MAP4: variants seen among roughly 807,000 people sequenced by gnomAD.
MAP4 encodes microtubule-associated protein 4.
In MAP4, 76 loss-of-function variants were observed where a neutral mutation model predicts 170.2. The observed-to-expected ratio is 0.45, with a 90% confidence interval of 0.37 to 0.54. The LOEUF is 0.54. Ranked by LOEUF, MAP4 falls within the 20% of genes least tolerant of loss-of-function variation. The pLI is 0.00. For missense variants in MAP4, 2,506 were observed against 2,748.0 expected (o/e 0.91, Z 1.97); for synonymous variants, 909 against 994.5 (o/e 0.91, Z 1.62).
chr3:47,889,720 C>A lies in MAP4; in HGVS notation c.5435-12197G>T, dbSNP rs113905179. ...CACCTAGAAGTTATGTGGTACTGAA[C>A]AAAGCACCTGGGGATCAAGAAAAAG... On this transcript the variant is annotated intron_variant, in intron 10 of 20. Coordinates refer to ENST00000683076, the MANE Select transcript of MAP4 (RefSeq NM_001385682.1). Among the ~76,000 whole-genome samples, 1,229 of 152,150 alleles carry A rather than the reference C, an allele frequency of 8.1e-3. 10 individuals carry two copies. Among genetic ancestry groups the A allele is most frequent in the Non-Finnish European group, 0.011 (753 of 68,006 alleles).
intron 3 of MAP4, among the ~76,000 whole-genome samples, chr3:47,939,211 T>C (rs2100054846): frequency 6.6e-6 from 1 of 152,200 alleles, no homozygotes; most frequent in Non-Finnish European, 1.5e-5. Context: ...ACTACTTAGC[T>C]CTTTTACCAT....
chr3:47,874,483 T>TA (rs1225671345), intron 12 of MAP4, among the ~76,000 whole-genome samples: 2 of 151,528 alleles, frequency 1.3e-5, no homozygotes, highest in South Asian at 4.2e-4. Flanking sequence ...AAATAAAAAT[T>TA]AAAAAAAAGT....
At position 48,015,897 on chromosome 3, in the gene MAP4, G is replaced by A. The variant is rs772154629; in HGVS notation, c.-20+437C>T. Among the ~76,000 whole-genome samples the A allele has an allele frequency of 1.4e-3, 206 of 152,136 alleles. 4 individuals are homozygous for A. The highest frequency in any genetic ancestry group is 4.7e-4 in the Non-Finnish European group (32 of 68,032). On this transcript the variant is annotated intron_variant, in intron 1 of 20. Coordinates refer to ENST00000683076, the MANE Select transcript of MAP4 (RefSeq NM_001385682.1). The stretch of plus-strand genomic sequence containing the variant: ...CTTGCAGATAGCAACAGACAACTGA[G>A]GAAGATCTTGACTATCCTGAGCAAT...
At chr3:48,054,952 TA>T (rs2100129962) in intron 1 of MAP4, among the ~76,000 whole-genome samples, 1 of 152,122 alleles carries the variant, frequency 6.6e-6, no homozygotes, top group South Asian at 2.1e-4. Flanking sequence ...TACTGTGGTT[TA>T]AAACCTACCC....
intron 1 of MAP4, among the ~76,000 whole-genome samples, chr3:48,086,813 A>AG (rs2100149289): frequency 6.6e-6 from 1 of 152,222 alleles, no homozygotes; most frequent in South Asian, 2.1e-4. Context: ...TAATACTTCC[A>AG]ACATGCATTA....
At chr3:48,033,913 A>C (rs1191246070) in intron 1 of MAP4, among the ~76,000 whole-genome samples, 1 of 152,158 alleles carries the variant, frequency 6.6e-6, no homozygotes, top group Non-Finnish European at 1.5e-5. Context: ...AAGAATTTTT[A>C]ATTAAAGATG....
At chr3:48,024,591 T>C (rs556767091) in intron 1 of MAP4, among the ~76,000 whole-genome samples, 1 of 152,268 alleles carries the variant, frequency 6.6e-6, no homozygotes, top group East Asian at 1.9e-4. Context: ...AGACACCAGA[T>C]GGAAGGAGTT....
chr3:48,078,310 A>G (rs1423943745), intron 1 of MAP4, among the ~76,000 whole-genome samples: 1 of 143,946 alleles, frequency 6.9e-6, no homozygotes, highest in Non-Finnish European at 1.5e-5. Flanking sequence ...ATGCCTGGCT[A>G]ATTTTTTTTT....
upstream of MAP4, among the ~76,000 whole-genome samples, chr3:48,019,425 T>A (rs1375844684): frequency 1.3e-5 from 2 of 152,190 alleles, no homozygotes; most frequent in Non-Finnish European, 2.9e-5. Flanking sequence ...AACTTTATAA[T>A]TATTAAAATA....
intron 10 of MAP4, among the ~76,000 whole-genome samples, chr3:47,880,259 A>ATTTTTTTTTTT (rs35700801): frequency 9.4e-6 from 1 of 106,380 alleles, no homozygotes; most frequent in Non-Finnish European, 1.8e-5. Flanking sequence ...CACCTGGCTA[A>ATTTTTTTTTTT]TTTTTTTTTT....
At chr3:48,048,259 T>C (rs1167092977) in intron 1 of MAP4, among the ~76,000 whole-genome samples, 1 of 152,160 alleles carries the variant, frequency 6.6e-6, no homozygotes, top group African/African-American at 2.4e-5. Context: ...ACTGATAAGC[T>C]CCCATTACAA....
At chr3:48,056,112 T>TGGGC (rs1447246544) in intron 1 of MAP4, among the ~76,000 whole-genome samples, 10 of 96,470 alleles carry the variant, frequency 1.0e-4, no homozygotes, top group Admixed American at 1.9e-4. Context: ...GGGAGGGAGG[T>TGGGC]GGGGGGGGGT....
At chr3:47,862,458 T>A (rs985727377) in intron 17 of MAP4, among the ~76,000 whole-genome samples, 3 of 151,706 alleles carry the variant, frequency 2.0e-5, no homozygotes, top group African/African-American at 7.3e-5. Context: ...TGTTACTATT[T>A]TAAATATATG....
chr3:47,976,501 C>T (rs2100082271), intron 3 of MAP4, among the ~76,000 whole-genome samples: 1 of 152,184 alleles, frequency 6.6e-6, no homozygotes, highest in Admixed American at 6.5e-5. Context: ...TAACTGGTTC[C>T]TGCTTAAAGA....
chr3:48,056,404 C>A (rs1250008009), intron 1 of MAP4, among the ~76,000 whole-genome samples: 2 of 97,918 alleles, frequency 2.0e-5, no homozygotes, highest in Admixed American at 1.7e-4. Flanking sequence ...GGTCAGCCCC[C>A]CCACCCGGCC....
chr3:48,057,173 G>C (rs79343135), intron 1 of MAP4, among the ~76,000 whole-genome samples: 84,925 of 144,506 alleles, frequency 0.59, 25,700 homozygotes, highest in East Asian at 0.71. Context: ...AGAAAGGCGG[G>C]AAAGGTGGGG....
At chr3:48,057,646 GAAAAAA>G (rs569379277) in intron 1 of MAP4, among the ~76,000 whole-genome samples, 1 of 131,962 alleles carries the variant, frequency 7.6e-6, no homozygotes. Flanking sequence ...AGAAAAAAAA[GAAAAAA>G]AAAAAAAAGT....
At chr3:47,998,924 A>G (rs1253775907) in intron 1 of MAP4, 45 bp from the exon 2 acceptor site, 2 of 1,051,798 alleles carry the variant, frequency 1.9e-6, no homozygotes, top group Admixed American at 3.9e-5. Context: ...GCACTGCAAA[A>G]GGAAAAACAT....
chr3:47,956,474 G>A (rs80184096), intron 3 of MAP4, among the ~76,000 whole-genome samples: 3 of 152,246 alleles, frequency 2.0e-5, no homozygotes, highest in Admixed American at 6.5e-5. Context: ...AGGGCAGAAC[G>A]TTGAGGGGTA....
Sources: allele counts gnomAD v4.1 joint callset (sites outside exome capture counted in the v4.1 genomes callset), GRCh38; gene constraint gnomAD v4.1.1; transcripts MANE v1.5; gene names NCBI Gene and HGNC (gene_info 2026-07-23, HGNC 2026-07-21).